Variants in CPNE4 observed in about 807,000 individuals in gnomAD.
CPNE4 encodes the protein copine-4.
In CPNE4, 25 loss-of-function variants were observed where a neutral mutation model predicts 67.9. The ratio of observed to expected loss-of-function variants is 0.37; its 90% CI spans 0.27 to 0.51. The LOEUF (loss-of-function observed/expected upper bound fraction) is 0.51. Ranked by LOEUF, CPNE4 falls within the 20% of genes least tolerant of loss-of-function variation. The pLI is 0.93. For synonymous variants in CPNE4, 242 were observed against 244.9 expected (o/e 0.99, Z 0.11); for missense variants, 464 against 690.8 (o/e 0.67, Z 3.68).
At chr3:131,743,981 A>AAAC (rs2082421733) in intron 2 of CPNE4, among the ~76,000 whole-genome samples, 1 of 149,060 alleles carries the variant, frequency 6.7e-6, no homozygotes, top group Admixed American at 6.7e-5. Context: ...AAAAAAAAAA[A>AAAC]AAACAATAAA....
At chr3:131,618,366 A>G (rs1940278285) in intron 7 of CPNE4, among the ~76,000 whole-genome samples, 1 of 152,210 alleles carries the variant, frequency 6.6e-6, no homozygotes. Context: ...CAACATATTC[A>G]TCACCTCACC....
intron 2 of CPNE4, among the ~76,000 whole-genome samples, chr3:131,738,076 T>G (rs1427134434): frequency 1.3e-5 from 2 of 152,242 alleles, no homozygotes; most frequent in African/African-American, 4.8e-5. Flanking sequence ...TTATAATAGA[T>G]GTGTTACTCA....
At chr3:131,822,102 T>A (rs1360523256) in intron 2 of CPNE4, among the ~76,000 whole-genome samples, 1 of 152,214 alleles carries the variant, frequency 6.6e-6, no homozygotes, top group Non-Finnish European at 1.5e-5. Context: ...TCAGTGCAAC[T>A]GGATTTACAA....
chr3:131,604,138 G>C lies in CPNE4; in HGVS notation c.682-16556C>G, dbSNP rs955908339. Among the ~76,000 whole-genome samples, 29 of 152,048 alleles carry C rather than the reference G, an allele frequency of 1.9e-4. 1 individual carries two copies. The highest frequency in any genetic ancestry group is 3.9e-4 in the Admixed American group (6 of 15,278). On this transcript the variant is annotated intron_variant, in intron 7 of 15. Transcript: ENST00000429747. ...ACTGGATCCATTCTAGATGATAATG[G>C]CTCACTAAAGACAATTCTAACAGAG...
chr3:131,995,378 A>T (rs2073265160), intron 1 of CPNE4, among the ~76,000 whole-genome samples: 1 of 151,848 alleles, frequency 6.6e-6, no homozygotes, highest in African/African-American at 2.4e-5. Context: ...CTAAAAGATA[A>T]CCCCCCTTCA....
chr3:131,877,154 A>G (rs1372678948), intron 2 of CPNE4, among the ~76,000 whole-genome samples: 1 of 152,170 alleles, frequency 6.6e-6, no homozygotes, highest in Non-Finnish European at 1.5e-5. Flanking sequence ...ATTGAGATAT[A>G]AGCAGAAATC....
chr3:131,819,441 T>C (rs952302722), intron 2 of CPNE4, among the ~76,000 whole-genome samples: 3 of 151,540 alleles, frequency 2.0e-5, no homozygotes, highest in African/African-American at 7.3e-5. Flanking sequence ...CCTTCCCCAG[T>C]ATGCATTTTA....
At chr3:131,913,782 T>C (rs2089077605) in intron 1 of CPNE4, among the ~76,000 whole-genome samples, 1 of 152,194 alleles carries the variant, frequency 6.6e-6, no homozygotes, top group African/African-American at 2.4e-5. Context: ...TTAACACTAT[T>C]TACTTGTTGT....
At chr3:131,584,501 C>G (rs1485438167) in intron 8 of CPNE4, among the ~76,000 whole-genome samples, 2 of 152,142 alleles carry the variant, frequency 1.3e-5, no homozygotes, top group Admixed American at 6.5e-5. Flanking sequence ...TGTCTTAAGT[C>G]TCTCCAATTT....
In CPNE4 at chr3:132,000,345, T is replaced by C. The variant is rs148916723; in HGVS notation, c.-2+34222A>G. Among the ~76,000 whole-genome samples the C allele has an allele frequency of 2.0e-3, 308 of 152,178 alleles. 1 individual carries two copies. The highest frequency in any genetic ancestry group is 8.5e-3 in the South Asian group (41 of 4,824). ...TGTGGTGCTTAACAAGTACTTACTA[T>C]GTGCTAAGCTGTGCTAAGCACATTG... On this transcript the variant is annotated intron_variant, in intron 1 of 15. Coordinates refer to ENST00000429747, the MANE Select transcript of CPNE4 (RefSeq NM_130808.3).
At chr3:131,609,685 T>A (rs1304647777) in intron 7 of CPNE4, among the ~76,000 whole-genome samples, 1 of 152,168 alleles carries the variant, frequency 6.6e-6, no homozygotes, top group African/African-American at 2.4e-5. Context: ...AAGATTAAAA[T>A]ACAATCTAGA....
intron 1 of CPNE4, among the ~76,000 whole-genome samples, chr3:132,005,672 A>AC (rs1434329300): frequency 6.6e-6 from 1 of 151,368 alleles, no homozygotes; most frequent in Non-Finnish European, 1.5e-5. Flanking sequence ...TGGTTCCAGG[A>AC]CCCCCACATA....
chr3:131,791,958 T>C (rs2083736275), intron 2 of CPNE4, among the ~76,000 whole-genome samples: 1 of 152,130 alleles, frequency 6.6e-6, no homozygotes, highest in Admixed American at 6.6e-5. Flanking sequence ...TTATTTCAGA[T>C]ATAGGGCTAT....
intron 10 of CPNE4, among the ~76,000 whole-genome samples, chr3:131,572,228 CAA>C (rs901532051): frequency 1.3e-5 from 2 of 151,958 alleles, no homozygotes; most frequent in Non-Finnish European, 2.9e-5. Flanking sequence ...CTACAGGAAA[CAA>C]AAAGTCCACT....
chr3:131,978,119 T>A (rs866539706), intron 1 of CPNE4, among the ~76,000 whole-genome samples: 31 of 64,994 alleles, frequency 4.8e-4, no homozygotes, highest in Non-Finnish European at 6.4e-4. Flanking sequence ...AAAATATATA[T>A]AAATATATAT....
intron 2 of CPNE4, among the ~76,000 whole-genome samples, chr3:131,843,180 T>A (rs2085861395): frequency 6.6e-6 from 1 of 152,214 alleles, no homozygotes; most frequent in Non-Finnish European, 1.5e-5. Context: ...CTATTACTCC[T>A]ATCTCTATAC....
At chr3:131,659,670 G>T (rs746098106) in intron 7 of CPNE4, among the ~76,000 whole-genome samples, 3 of 152,106 alleles carry the variant, frequency 2.0e-5, no homozygotes, top group Non-Finnish European at 2.9e-5. Flanking sequence ...AAACAGTTTG[G>T]CCAGGTTGTA....
intron 2 of CPNE4, among the ~76,000 whole-genome samples, chr3:131,771,277 ATTTTG>A (rs2083159752): frequency 6.6e-6 from 1 of 151,834 alleles, no homozygotes; most frequent in Non-Finnish European, 1.5e-5. Context: ...CCCATACAGC[ATTTTG>A]TTTTGTTCTG....
chr3:131,586,132 C>T (rs1050380181), intron 8 of CPNE4, among the ~76,000 whole-genome samples: 6 of 152,072 alleles, frequency 3.9e-5, no homozygotes, highest in Admixed American at 1.3e-4. Context: ...CTAATTAGCA[C>T]TTCTGATCAG....
Sources: allele counts gnomAD v4.1 joint callset (sites outside exome capture counted in the v4.1 genomes callset), GRCh38; gene constraint gnomAD v4.1.1; transcripts MANE v1.5; gene names NCBI Gene and HGNC (gene_info 2026-07-23, HGNC 2026-07-21).